DOCK1: variants seen among roughly 807,000 people sequenced by gnomAD.
The protein encoded by DOCK1 is dedicator of cytokinesis protein 1.
A neutral mutation model predicts 262.7 loss-of-function variants in DOCK1; 138 were observed. That is an observed-to-expected ratio of 0.53 (90% confidence interval 0.46 to 0.61). The LOEUF (loss-of-function observed/expected upper bound fraction) is 0.61. Among genes scored for constraint, DOCK1 ranks in the 20% least tolerant of loss-of-function variants. The pLI, the probability that DOCK1 is intolerant of heterozygous loss-of-function variation, is 0.00. For synonymous variants in DOCK1, 866 were observed against 867.4 expected (o/e 1.00, Z 0.03); for missense variants, 1,908 against 2,370.7 (o/e 0.80, Z 4.05).
At chr10:127,408,503 G>A (rs959918447) in intron 40 of DOCK1, among the ~76,000 whole-genome samples, 27 of 152,310 alleles carry the variant, frequency 1.8e-4, no homozygotes, top group African/African-American at 4.8e-4. Flanking sequence ...TGCTCGCCTC[G>A]GCTGTGTCTC....
intron 29 of DOCK1, among the ~76,000 whole-genome samples, chr10:127,270,351 A>ATTCTG (rs756426158): frequency 1.3e-5 from 2 of 152,202 alleles, no homozygotes; most frequent in Admixed American, 6.5e-5. Context: ...CGATGTTTTT[A>ATTCTG]TTCTGTTCTG....
At chr10:127,054,413 G>A (rs2044989587) in intron 22 of DOCK1, among the ~76,000 whole-genome samples, 1 of 152,064 alleles carries the variant, frequency 6.6e-6, no homozygotes. Flanking sequence ...AGGGCATCAT[G>A]GTTTTGTCCT....
intron 21 of DOCK1, among the ~76,000 whole-genome samples, chr10:127,047,357 T>C (rs1538789): frequency 0.043 from 6,477 of 152,254 alleles, 455 homozygotes; most frequent in African/African-American, 0.15. Flanking sequence ...AATGTTATAG[T>C]GCAGACGATA....
intron 26 of DOCK1, among the ~76,000 whole-genome samples, chr10:127,125,928 T>C (rs1296597859): frequency 1.3e-5 from 2 of 152,112 alleles, no homozygotes; most frequent in Non-Finnish European, 2.9e-5. Flanking sequence ...TTCTTTCTTC[T>C]TATTTTTATT....
intron 45 of DOCK1, 134 bp from the exon 46 acceptor site, chr10:127,419,532 C>G: frequency 1.3e-6 from 1 of 799,662 alleles, no homozygotes; most frequent in Non-Finnish European, 2.0e-6. Context: ...AGGGTGTGAC[C>G]CTGAGTCTGC....
intron 1 of DOCK1, among the ~76,000 whole-genome samples, chr10:126,932,934 GTC>G (rs1296460746): frequency 6.6e-6 from 1 of 152,132 alleles, no homozygotes; most frequent in Non-Finnish European, 1.5e-5. Context: ...CTGCTCTGGG[GTC>G]TCTCGTATAT....
chr10:127,073,020 C>T (rs1241729057), intron 23 of DOCK1, among the ~76,000 whole-genome samples: 1 of 152,224 alleles, frequency 6.6e-6, no homozygotes, highest in Non-Finnish European at 1.5e-5. Flanking sequence ...ACTAGGCCTG[C>T]AAACGCTCAT....
intron 47 of DOCK1, among the ~76,000 whole-genome samples, chr10:127,428,934 T>TGGG (rs1242213054): frequency 7.5e-5 from 8 of 107,004 alleles, no homozygotes; most frequent in East Asian, 7.1e-4. Context: ...CCGTGTGGAT[T>TGGG]GTGCCGTGTG....
At chr10:127,164,081 C>T (rs1287560209) in intron 27 of DOCK1, among the ~76,000 whole-genome samples, 1 of 150,402 alleles carries the variant, frequency 6.6e-6, no homozygotes, top group South Asian at 2.1e-4. Context: ...GGGTGGCGTC[C>T]CAGGGGACGC....
intron 3 of DOCK1, among the ~76,000 whole-genome samples, chr10:126,980,058 C>G (rs969774216): frequency 2.6e-5 from 4 of 152,202 alleles, no homozygotes; most frequent in Non-Finnish European, 5.9e-5. Flanking sequence ...TCTCCCCCAT[C>G]TGGGTGGACA....
rs957852310 is a variant in DOCK1, at chr10:127,368,069, A to G, written c.3433-5712A>G. On this transcript the variant is annotated intron_variant, in intron 33 of 51. Transcript: ENST00000623213. The stretch of plus-strand genomic sequence containing the variant: ...CCACTGTGGACATCTGGGGCCTCCT[A>G]TCTCATAGGCATCTGTCTGGCCAAG... 4.6e-5 allele frequency among the ~76,000 whole-genome samples: 7 copies of G among 152,096 alleles called. No homozygotes were observed. The East Asian group carries it at 9.7e-4, about 21-fold the overall frequency.
chr10:127,263,867 C>T (rs1199096901), intron 29 of DOCK1, among the ~76,000 whole-genome samples: 1 of 152,162 alleles, frequency 6.6e-6, no homozygotes, highest in South Asian at 2.1e-4. Context: ...GGTTTGCCTT[C>T]GTGCTCCAGT....
chr10:126,935,437 A>T (rs2034500303), intron 1 of DOCK1, among the ~76,000 whole-genome samples: 1 of 152,140 alleles, frequency 6.6e-6, no homozygotes. Flanking sequence ...TGGGAGATGC[A>T]GATTGGAGGC....
At chr10:127,028,995 CTT>C (rs760400566) in intron 16 of DOCK1, among the ~76,000 whole-genome samples, 18 of 152,342 alleles carry the variant, frequency 1.2e-4, no homozygotes, top group Admixed American at 8.5e-4. Flanking sequence ...ACGCTCCCGT[CTT>C]TTAACAAGCT....
At chr10:127,038,002 G>A (rs1048756579) in intron 19 of DOCK1, among the ~76,000 whole-genome samples, 186 bp downstream of exon 19, 5 of 152,056 alleles carry the variant, frequency 3.3e-5, no homozygotes, top group African/African-American at 9.7e-5. Flanking sequence ...GGGAGGCCGA[G>A]GTGGGTGGAT....
intron 31 of DOCK1, among the ~76,000 whole-genome samples, chr10:127,350,306 A>AT (rs375067102): frequency 0.084 from 10,053 of 119,206 alleles, 475 homozygotes; most frequent in African/African-American, 0.16. Flanking sequence ...CTCACGGTGC[A>AT]CCCCTCACCC....
At chr10:127,321,317 C>T (rs1252925548) in intron 29 of DOCK1, among the ~76,000 whole-genome samples, 1 of 143,520 alleles carries the variant, frequency 7.0e-6, no homozygotes, top group Non-Finnish European at 1.5e-5. Flanking sequence ...TCCCTTCCTC[C>T]CTTCTTTCCT....
chr10:127,057,027 C>T (rs2045206539), intron 22 of DOCK1, among the ~76,000 whole-genome samples: 1 of 152,084 alleles, frequency 6.6e-6, no homozygotes, highest in South Asian at 2.1e-4. Flanking sequence ...TTCATCTGTG[C>T]TATCACAGGT....
At chr10:127,139,158 C>G (rs1195652440) in intron 27 of DOCK1, among the ~76,000 whole-genome samples, 7 of 152,178 alleles carry the variant, frequency 4.6e-5, no homozygotes, top group African/African-American at 1.7e-4. Flanking sequence ...AATGCATGAG[C>G]TCATAACATT....
Sources: allele counts gnomAD v4.1 joint callset (sites outside exome capture counted in the v4.1 genomes callset), GRCh38; gene constraint gnomAD v4.1.1; transcripts MANE v1.5; gene names NCBI Gene and HGNC (gene_info 2026-07-23, HGNC 2026-07-21).